KCNQ1: variants seen among roughly 807,000 people sequenced by gnomAD.
KCNQ1 encodes the protein potassium voltage-gated channel subfamily Q member 1, also known as potassium voltage-gated channel subfamily KQT member 1.
In KCNQ1, 49 loss-of-function variants were observed where a neutral mutation model predicts 72.4. That is an observed-to-expected ratio of 0.68 (90% CI 0.54 to 0.86). The LOEUF is 0.86. Among genes scored for constraint, KCNQ1 ranks in the 40% least tolerant of loss-of-function variants. The pLI, the probability that KCNQ1 is intolerant of heterozygous loss-of-function variation, is 0.00. For missense variants in KCNQ1, 790 were observed against 945.1 expected (o/e 0.84, Z 2.15); for synonymous variants, 450 against 412.6 (o/e 1.09, Z -1.10).
At chr11:2,638,076 G>T (rs1306497175) in intron 10 of KCNQ1, 1 of 152,130 alleles carries the variant, frequency 6.6e-6, no homozygotes, top group African/African-American at 2.4e-5. Flanking sequence ...GTGTGTCTCT[G>T]CACGTGAGAT....
chr11:2,501,399 AC>A (rs2133644123), intron 1 of KCNQ1, among the ~76,000 whole-genome samples: 1 of 152,262 alleles, frequency 6.6e-6, no homozygotes, highest in East Asian at 1.9e-4. Flanking sequence ...GCTATGAGCA[AC>A]TCTATGCCAA....
chr11:2,496,722 C>T (rs537747066), intron 1 of KCNQ1, among the ~76,000 whole-genome samples: 2 of 151,930 alleles, frequency 1.3e-5, no homozygotes, highest in East Asian at 3.9e-4. Context: ...TTGGTCCTGT[C>T]GTCATGATGC....
chr11:2,757,714 T>G (rs1846327179), intron 11 of KCNQ1, among the ~76,000 whole-genome samples: 1 of 152,232 alleles, frequency 6.6e-6, no homozygotes, highest in South Asian at 2.1e-4. Context: ...GGAATAAGCA[T>G]GTAGCTCAAC....
chr11:2,477,734 TA>T lies in KCNQ1; in HGVS notation c.386+32264del, dbSNP rs35412197. On this transcript the variant is annotated intron_variant, in intron 1 of 15. Transcript: ENST00000155840. The surrounding 1 kb of genome is among the most constrained non-coding windows in gnomAD (Gnocchi z 5.0). The stretch of plus-strand genomic sequence containing the variant: ...ATAGTGAGACCCCATCTCTTTTTAT[TA>T]AAAAAAAAAAAAAGACCATACATAC... Among the ~76,000 whole-genome samples, 34,596 of 141,360 alleles carry T rather than the reference TA, an allele frequency of 0.24. 4,901 individuals carry two copies. Among genetic ancestry groups the T allele is most frequent in the African/African-American group, 0.42 (16,363 of 38,544 alleles). The allele number at this position is 141,360 out of a possible 152,430, so 92.7% of individuals were successfully genotyped here.
Position 2,787,144 on chromosome 11 carries a change from AT to A in KCNQ1, c.1794+9109del, listed in dbSNP as rs1463276933. On this transcript the variant is annotated intron_variant, in intron 15 of 15. Transcript: ENST00000155840. This position sits in a 1 kb window ranked among gnomAD's most constrained non-coding sequence, Gnocchi z 6.3. ...TTTCTAGGCCACTTAGGTAGTATGA[AT>A]TCAAGCCTCCAAGCTGAGCATGGAC... 6.6e-6 allele frequency among the ~76,000 whole-genome samples: 1 copy of A among 152,120 alleles called. No individual in the cohort carries two copies. The highest frequency in any genetic ancestry group is 1.5e-5 in the Non-Finnish European group (1 of 68,026).
At chr11:2,622,102 T>C (rs1029860745) in intron 10 of KCNQ1, 2 of 398,356 alleles carry the variant, frequency 5.0e-6, no homozygotes, top group Non-Finnish European at 8.9e-6. Flanking sequence ...TATTTTTAAG[T>C]TTCTGTTTTC....
intron 6 of KCNQ1, among the ~76,000 whole-genome samples, chr11:2,582,058 T>A (rs1198905087): frequency 2.0e-5 from 3 of 152,188 alleles, no homozygotes; most frequent in African/African-American, 7.2e-5. Flanking sequence ...CAGAGGCCTG[T>A]CCCGCCCTGT....
At chr11:2,636,277 A>T (rs1849463114) in intron 10 of KCNQ1, 1 of 152,138 alleles carries the variant, frequency 6.6e-6, no homozygotes, top group Non-Finnish European at 1.5e-5. Context: ...TTCAAAGGGA[A>T]TGCTTCCAGT....
At position 2,628,164 on chromosome 11, in the gene KCNQ1, G is replaced by T. The variant is rs1029309255; in HGVS notation, c.1394-33797G>T. 13 of 398,472 alleles carry T rather than the reference G, an allele frequency of 3.3e-5. No homozygotes were observed. In the Admixed American group the frequency reaches 5.3e-4, roughly 16 times the overall value. 24.7% of individuals were successfully genotyped at this position (398,472 alleles called of 1,614,324 possible). ...CTTAGATATACCCGGAACTGAGACT[G>T]CTGGATCATATAGCAGTTCCAATTT... On this transcript the variant is annotated intron_variant, in intron 10 of 15. Transcript: ENST00000155840.
At chr11:2,675,063 C>A (rs905423146) in intron 11 of KCNQ1, 7 of 398,518 alleles carry the variant, frequency 1.8e-5, no homozygotes, top group Non-Finnish European at 2.7e-5. Flanking sequence ...AAGGGCAGAG[C>A]CCCTGGAGAG....
In KCNQ1 at chr11:2,595,039, C is replaced by G. The variant is rs2133769668; in HGVS notation, c.1393+6185C>G. ...TGCACTTTTGCTTGTACAGGGTGAC[C>G]CAGTGAACCAATCCAGGACCTTCAT... On this transcript the variant is annotated intron_variant, in intron 10 of 15. Coordinates refer to ENST00000155840, the MANE Select transcript of KCNQ1 (RefSeq NM_000218.3). This position sits in a 1 kb window ranked among gnomAD's most constrained non-coding sequence, Gnocchi z 5.0. Among the ~76,000 whole-genome samples the G allele has an allele frequency of 6.6e-6, 1 of 152,170 alleles. No individual in the cohort carries two copies. The highest frequency in any genetic ancestry group is 2.4e-5 in the African/African-American group (1 of 41,510).
chr11:2,770,357 G>A (rs763562116), intron 12 of KCNQ1, among the ~76,000 whole-genome samples: 8 of 152,232 alleles, frequency 5.3e-5, no homozygotes, highest in African/African-American at 9.6e-5. Context: ...TCATATGCAC[G>A]TGCCTCACCC....
chr11:2,505,928 T>G (rs1299051081), intron 1 of KCNQ1, among the ~76,000 whole-genome samples: 1 of 152,228 alleles, frequency 6.6e-6, no homozygotes, highest in East Asian at 1.9e-4. Context: ...GTTTATCTAT[T>G]CTGCCACTGC....
At position 2,536,455 on chromosome 11, in the gene KCNQ1, G is replaced by A. The variant is rs1847733523; in HGVS notation, c.477+8437G>A. On this transcript the variant is annotated intron_variant, in intron 2 of 15. Transcript: ENST00000155840. This position sits in a 1 kb window ranked among gnomAD's most constrained non-coding sequence, Gnocchi z 7.4. The stretch of plus-strand genomic sequence containing the variant: ...GCCCTGCCCCACAGGGTGGCTGGCA[G>A]GGCTCAGCAGTTGCCTGGCCTGTGG... 6.6e-6 allele frequency among the ~76,000 whole-genome samples: 1 copy of A among 152,212 alleles called. No homozygotes were observed. Among genetic ancestry groups the A allele is most frequent in the Non-Finnish European group, 1.5e-5 (1 of 68,026 alleles).
Position 2,713,360 on chromosome 11 carries a change from C to T in KCNQ1, c.1514+51279C>T, listed in dbSNP as rs139161382. Among the ~76,000 whole-genome samples, 180 of 152,272 alleles carry T rather than the reference C, an allele frequency of 1.2e-3. No individual in the cohort carries two copies. Among genetic ancestry groups the T allele is most frequent in the Non-Finnish European group, 1.9e-3 (130 of 68,024 alleles). ...ATAAAAACTCTCCAGTCATCTTTTC[C>T]GCTGTGGTTTTTATTGTTTTATTTT... On this transcript the variant is annotated intron_variant, in intron 11 of 15. Transcript: ENST00000155840. This position sits in a 1 kb window ranked among gnomAD's most constrained non-coding sequence, Gnocchi z 5.6.
intron 10 of KCNQ1, among the ~76,000 whole-genome samples, chr11:2,607,528 G>A (rs1047220360): frequency 7.2e-5 from 11 of 151,988 alleles, no homozygotes; most frequent in African/African-American, 1.5e-4. Context: ...TTTTTCTTCC[G>A]TCATATGAGG....
At chr11:2,719,385 G>C (rs1851165057) in intron 11 of KCNQ1, among the ~76,000 whole-genome samples, 1 of 150,782 alleles carries the variant, frequency 6.6e-6, no homozygotes, top group Non-Finnish European at 1.5e-5. Flanking sequence ...GGTCCCAGCT[G>C]TTTGGGGGCT....
At position 2,537,915 on chromosome 11, in the gene KCNQ1, C is replaced by T. The variant is rs1847761200; in HGVS notation, c.477+9897C>T. Among the ~76,000 whole-genome samples, 1 of 152,128 alleles carries T rather than the reference C, an allele frequency of 6.6e-6. No individual in the cohort carries two copies. Among genetic ancestry groups the T allele is most frequent in the Non-Finnish European group, 1.5e-5 (1 of 68,038 alleles). On this transcript the variant is annotated intron_variant, in intron 2 of 15. Coordinates refer to ENST00000155840, the MANE Select transcript of KCNQ1 (RefSeq NM_000218.3). This position sits in a 1 kb window ranked among gnomAD's most constrained non-coding sequence, Gnocchi z 5.2. ...ATTTTTTGTAGAGATAGGGTTTTGC[C>T]ATGTTACCTAGGCTGGTCTTAAACT... is the stretch of plus-strand genomic sequence containing the variant.
chr11:2,804,664 A>T (rs552873340), intron 15 of KCNQ1, among the ~76,000 whole-genome samples: 4 of 152,354 alleles, frequency 2.6e-5, no homozygotes, highest in African/African-American at 9.6e-5. Flanking sequence ...GTGGGGTTGC[A>T]CTGCCCAGCG....
Sources: gnomAD v4.1 joint callset for allele counts (sites outside exome capture counted in the v4.1 genomes callset) on GRCh38, gnomAD v4.1.1 for gene constraint, Gnocchi (gnomAD v3.1) non-coding constraint, MANE v1.5 for transcripts, NCBI Gene and HGNC (gene_info 2026-07-23, HGNC 2026-07-21) for gene names.